The following PLA2G2A variants were observed in gnomAD, a reference collection of about 807,000 sequenced individuals.
PLA2G2A encodes phospholipase A2, membrane associated.
PLA2G2A carries 6 observed loss-of-function variants against 11.2 expected under a neutral mutation model. The observed-to-expected ratio is 0.54, with a 90% confidence interval of 0.29 to 1.06. PLA2G2A has a LOEUF of 1.06. Among genes scored for constraint, PLA2G2A ranks in the 50% least tolerant of loss-of-function variants. The probability of loss-of-function intolerance (pLI) is 0.08; values close to 1 mark genes in which losing one functional copy is unlikely to be tolerated. For missense variants in PLA2G2A, 133 were observed against 177.1 expected (o/e 0.75, Z 1.41); for synonymous variants, 69 against 65.8 (o/e 1.05, Z -0.23).
Position 19,975,852 on chromosome 1 carries a change from A to T in PLA2G2A, c.293-9T>A. 1 of 1,613,086 alleles carries T rather than the reference A, an allele frequency of 6.2e-7. No individual in the cohort carries two copies. Among genetic ancestry groups the T allele is most frequent in the Non-Finnish European group, 8.5e-7 (1 of 1,179,340 alleles). On this transcript the variant is annotated splice_polypyrimidine_tract_variant and intron_variant, in intron 4 of 4. Coordinates refer to ENST00000482011, the Ensembl canonical transcript of PLA2G2A. Reference sequence around the variant, plus strand: ...GCAGGAGTCCTGTTTTGCTGAAATCATAAGAAAATAAACACAAGATGGGAG... The same window carrying T: ...GCAGGAGTCCTGTTTTGCTGAAATCTTAAGAAAATAAACACAAGATGGGAG...
chr1:19,978,365 G>T lies in PLA2G2A; in HGVS notation c.185+15C>A, dbSNP rs11573163. ...GCCAGAGTCTAGGAGGGTAGGGAGG[G>T]ATAGGTGGCCTCACCGATCCGTTGC... On this transcript the variant is annotated intron_variant, in intron 3 of 4. Transcript: ENST00000482011. The T allele has an allele frequency of 3.2e-5, 52 of 1,610,662 alleles. 1 individual carries two copies. In the South Asian group the frequency reaches 5.2e-4, roughly 16 times the overall value.
chr1:19,978,048 T>C, exon 4 of PLA2G2A: 2 of 1,613,338 alleles, frequency 1.2e-6, no homozygotes, highest in South Asian at 2.2e-5. Flanking sequence ...TTGCTAAACT[T>C]GTAGCTCAGA....
chr1:19,978,973 G>GCTCGCACACACACA, intron 1 of PLA2G2A, 94 bp from the exon 2 acceptor site: 1 of 571,986 alleles, frequency 1.7e-6, no homozygotes, highest in Non-Finnish European at 3.2e-6. Flanking sequence ...CTCCAGCAAT[G>GCTCGCACACACACA]CACACACACA....
intron 1 of PLA2G2A, chr1:19,979,084 A>C: frequency 2.1e-6 from 1 of 466,088 alleles, no homozygotes; most frequent in South Asian, 2.2e-5. Flanking sequence ...CCCATGATAC[A>C]CTAATGAGAC....
rs1361384831 is a variant in PLA2G2A at position 19,978,010 on chromosome 1, C to CT, written c.292+4dup. 1.9e-6 allele frequency: 3 copies of CT among 1,569,064 alleles called. No individual in the cohort carries two copies. The highest frequency in any genetic ancestry group is 1.8e-6 in the Non-Finnish European group (2 of 1,138,880). ...GGCCACTCGATGGTGAGGTAGGACT[C>CT]TTACCACAGGTGATTCTGCTCCCCG... On this transcript the variant is annotated splice_donor_region_variant and intron_variant, in intron 4 of 4. Coordinates refer to ENST00000482011, the Ensembl canonical transcript of PLA2G2A.
At chr1:19,975,565 G>A (rs552544596), downstream of PLA2G2A, 3 of 802,706 alleles carry the variant, frequency 3.7e-6, no homozygotes, top group Non-Finnish European at 6.6e-6. Context: ...GGTGGGTATA[G>A]AAGGGCTCCT....
exon 2 of PLA2G2A, chr1:19,978,797 T>G: frequency 6.2e-7 from 1 of 1,613,588 alleles, no homozygotes; most frequent in Non-Finnish European, 8.5e-7. Context: ...GGGTGACAAA[T>G]GCAGATGGAC....
chr1:19,975,496 C>A, downstream of PLA2G2A: 2 of 610,468 alleles, frequency 3.3e-6, no homozygotes, highest in South Asian at 1.9e-5. Context: ...TGGTTAAGCA[C>A]GGAGTTGAGG....
Position 19,977,919 on chromosome 1 carries a change from A to G in PLA2G2A, c.292+96T>C, listed in dbSNP as rs968974645. ...TCAACCGTGAGCTTCCTGAAGCAGG[A>G]ACTGTGTCCCTCTGTGTCTATCTTT... On this transcript the variant is annotated intron_variant, in intron 4 of 4. Transcript: ENST00000482011. The G allele has an allele frequency of 1.3e-5, 11 of 815,772 alleles. No individual in the cohort carries two copies. In the African/African-American group the frequency reaches 1.8e-4, roughly 14 times the overall value. The allele number at this position is 815,772 out of a possible 1,614,324, so 50.5% of individuals were successfully genotyped here.
chr1:19,977,628 T>C (rs1022589900), intron 4 of PLA2G2A, among the ~76,000 whole-genome samples: 2 of 152,208 alleles, frequency 1.3e-5, no homozygotes, highest in Non-Finnish European at 2.9e-5. Context: ...GCATCATGGC[T>C]CAGCACTGCT....
At chr1:19,976,151 G>A (rs996840368) in intron 4 of PLA2G2A, among the ~76,000 whole-genome samples, 15 of 152,280 alleles carry the variant, frequency 9.9e-5, no homozygotes, top group Admixed American at 7.8e-4. Flanking sequence ...CGGGGGTCTG[G>A]GAATAGATTG....
chr1:19,977,729 T>C (rs2046239636), intron 4 of PLA2G2A, among the ~76,000 whole-genome samples: 1 of 152,206 alleles, frequency 6.6e-6, no homozygotes, highest in East Asian at 1.9e-4. Context: ...CTGGGAATGC[T>C]CCCTCCTCTT....
intron 4 of PLA2G2A, among the ~76,000 whole-genome samples, chr1:19,976,662 CT>C (rs1227571917): frequency 6.6e-6 from 1 of 152,174 alleles, no homozygotes; most frequent in East Asian, 1.9e-4. Context: ...GGAGTCCACG[CT>C]TTTTCCAAAT....
chr1:19,978,574 C>A lies in PLA2G2A; in HGVS notation c.41-50G>T, dbSNP rs369804777. 5.6e-6 allele frequency: 9 copies of A among 1,609,216 alleles called. No individual in the cohort carries two copies. In the Admixed American group the frequency reaches 8.3e-5, roughly 15 times the overall value. Reference sequence around the variant, plus strand: ...TGGTGATGGGGCATGGGGTTCTGCGCCCTCCCTCTCTGCCCCTCTCTGCTA... The same window carrying A: ...TGGTGATGGGGCATGGGGTTCTGCGACCTCCCTCTCTGCCCCTCTCTGCTA... On this transcript the variant is annotated intron_variant, in intron 2 of 4. Coordinates refer to ENST00000482011, the Ensembl canonical transcript of PLA2G2A.
exon 5 of PLA2G2A, chr1:19,975,839 T>C: frequency 6.2e-7 from 1 of 1,613,796 alleles, no homozygotes; most frequent in Non-Finnish European, 8.5e-7. Flanking sequence ...AGGAGTCCTG[T>C]TTTGCTGAAA....
At chr1:19,979,194 C>A in intron 1 of PLA2G2A, 2 of 242,968 alleles carry the variant, frequency 8.2e-6, no homozygotes, top group Non-Finnish European at 1.6e-5. Context: ...GTGTCCCTCG[C>A]TAGACATAGC....
chr1:19,975,824 T>C, exon 5 of PLA2G2A: 4 of 1,613,970 alleles, frequency 2.5e-6, no homozygotes, highest in Non-Finnish European at 3.4e-6. Context: ...ACAGTTGACT[T>C]CTGCAGGAGT....
intron 4 of PLA2G2A, among the ~76,000 whole-genome samples, chr1:19,976,953 C>T (rs895303673): frequency 4.6e-5 from 7 of 152,198 alleles, no homozygotes; most frequent in African/African-American, 1.7e-4. Context: ...CCTTGCTAAC[C>T]ATTTCCTTAC....
rs11573173 is a variant in PLA2G2A at position 19,976,608 on chromosome 1, T to G, written c.293-765A>C. Among the ~76,000 whole-genome samples the G allele has an allele frequency of 8.7e-3, 1,321 of 152,304 alleles. 25 individuals are homozygous for G. Among genetic ancestry groups the G allele is most frequent in the African/African-American group, 0.03 (1,251 of 41,570 alleles). On this transcript the variant is annotated intron_variant, in intron 4 of 4. Transcript: ENST00000482011. ...ACATGCCTCTATGGAGAGGCCATGA[T>G]GGGAGACATAATTTCTGATCTTAAA...
Sources: gnomAD v4.1 joint callset for allele counts (sites outside exome capture counted in the v4.1 genomes callset) on GRCh38, gnomAD v4.1.1 for gene constraint, MANE v1.5 for transcripts, NCBI Gene and HGNC (gene_info 2026-07-23, HGNC 2026-07-21) for gene names.